TMEM123: variants seen among roughly 807,000 people sequenced by gnomAD.
The protein encoded by TMEM123 is transmembrane protein 123.
TMEM123 carries 16 observed loss-of-function variants against 19.7 expected under a neutral mutation model. The ratio of observed to expected loss-of-function variants is 0.81; its 90% CI spans 0.55 to 1.23. The LOEUF is 1.23. Ranked by LOEUF, TMEM123 falls within the 50% of genes most tolerant of loss-of-function variation. The pLI is 0.00. For missense variants in TMEM123, 313 were observed against 257.8 expected (o/e 1.21, Z -1.47); for synonymous variants, 118 against 99.4 (o/e 1.19, Z -1.12).
Position 102,398,854 on chromosome 11 carries a change from T to A in TMEM123, c.*13A>T, listed in dbSNP as rs761341128. On this transcript the variant is annotated 3_prime_UTR_variant, in exon 5 of 5. Transcript: ENST00000398136. ...GCATCAATCTGTATTCCATCCTTGG[T>A]CCATGGATTTCCTTAAATGATGGCA... 42 of 1,611,230 alleles carry A rather than the reference T, an allele frequency of 2.6e-5. No homozygotes were observed. Among genetic ancestry groups the A allele is most frequent in the Non-Finnish European group, 3.5e-5 (41 of 1,179,012 alleles).
chr11:102,402,665 C>G (rs978023054), intron 2 of TMEM123, among the ~76,000 whole-genome samples: 2 of 152,212 alleles, frequency 1.3e-5, no homozygotes, highest in African/African-American at 4.8e-5. Flanking sequence ...AAATCAGTAG[C>G]TGCATGTTTC....
At chr11:102,444,651 C>T (rs1176170097) in intron 2 of TMEM123, among the ~76,000 whole-genome samples, 2 of 151,920 alleles carry the variant, frequency 1.3e-5, no homozygotes, top group East Asian at 3.9e-4. Flanking sequence ...AACAAACCTG[C>T]ACATTGTGCA....
intron 2 of TMEM123, among the ~76,000 whole-genome samples, chr11:102,425,978 A>T (rs1482564366): frequency 6.6e-6 from 1 of 152,046 alleles, no homozygotes; most frequent in Non-Finnish European, 1.5e-5. Flanking sequence ...TACTATAGTT[A>T]TTTTTGTTCT....
chr11:102,451,501 T>G (rs1417887597), intron 1 of TMEM123, among the ~76,000 whole-genome samples: 1 of 152,228 alleles, frequency 6.6e-6, no homozygotes, highest in South Asian at 2.1e-4. Context: ...CCTTCCAGAT[T>G]TACAAACTGC....
intron 2 of TMEM123, among the ~76,000 whole-genome samples, chr11:102,411,982 T>C (rs527660175): frequency 5.2e-4 from 79 of 152,256 alleles, no homozygotes; most frequent in Admixed American, 1.7e-3. Flanking sequence ...GGAAGATCTA[T>C]CTACCACCTA....
At chr11:102,405,194 G>A (rs533387650) in intron 2 of TMEM123, among the ~76,000 whole-genome samples, 30 of 151,538 alleles carry the variant, frequency 2.0e-4, no homozygotes, top group Non-Finnish European at 2.1e-4. Context: ...GACTACAGGC[G>A]CCCACCACCA....
intron 2 of TMEM123, among the ~76,000 whole-genome samples, chr11:102,438,695 T>G (rs576984546): frequency 6.6e-6 from 1 of 152,336 alleles, no homozygotes; most frequent in Non-Finnish European, 1.5e-5. Context: ...ATAGGTGGAT[T>G]TCTGCATTTC....
At chr11:102,419,699 ATTTAT>A (rs1056564432) in intron 2 of TMEM123, among the ~76,000 whole-genome samples, 3 of 152,250 alleles carry the variant, frequency 2.0e-5, no homozygotes, top group Admixed American at 6.5e-5. Context: ...TAAGGAACAG[ATTTAT>A]TTAATCTAAA....
At chr11:102,445,172 A>C (rs1266327821) in intron 2 of TMEM123, among the ~76,000 whole-genome samples, 1 of 152,252 alleles carries the variant, frequency 6.6e-6, no homozygotes, top group Non-Finnish European at 1.5e-5. Context: ...AAGTATAAAA[A>C]AAAATTACCA....
Position 102,452,591 on chromosome 11 carries a change from C to A in TMEM123, c.33G>T (p.Ala11=). MGLGARGAWA[A]LLLGTLQVLA... ...GCACCTGCAGCGTCCCCAGGAGCAG[C>A]GCGGCCCAAGCACCTCGCGCGCCGA... The change falls in exon 1 of 5, where the codon GCG becomes GCT. Residue 11 remains alanine, a synonymous_variant. Transcript: ENST00000398136. The A allele has an allele frequency of 6.4e-7, 1 of 1,568,162 alleles. No homozygotes were observed.
intron 2 of TMEM123, among the ~76,000 whole-genome samples, chr11:102,411,321 C>T (rs953627575): frequency 6.6e-6 from 1 of 152,136 alleles, no homozygotes; most frequent in African/African-American, 2.4e-5. Flanking sequence ...GAGAGCGTAT[C>T]GAAGCTCTGC....
chr11:102,426,087 T>C (rs1952124385), intron 2 of TMEM123, among the ~76,000 whole-genome samples: 1 of 152,222 alleles, frequency 6.6e-6, no homozygotes, highest in Non-Finnish European at 1.5e-5. Context: ...ACACATAGAA[T>C]GTACAAATGA....
intron 2 of TMEM123, among the ~76,000 whole-genome samples, chr11:102,429,521 G>C (rs1394095292): frequency 1.3e-5 from 2 of 152,164 alleles, no homozygotes; most frequent in East Asian, 3.8e-4. Flanking sequence ...TTGGCACTCT[G>C]CTAACCTTTG....
intron 2 of TMEM123, among the ~76,000 whole-genome samples, chr11:102,434,118 T>A (rs541743890): frequency 6.6e-6 from 1 of 152,070 alleles, no homozygotes; most frequent in East Asian, 1.9e-4. Flanking sequence ...AGAAGTGGGA[T>A]TGCTGGATCA....
At chr11:102,437,060 A>T (rs1167295177) in intron 2 of TMEM123, among the ~76,000 whole-genome samples, 1 of 152,146 alleles carries the variant, frequency 6.6e-6, no homozygotes, top group East Asian at 1.9e-4. Flanking sequence ...TATTTTAAAA[A>T]TGCCCCCAAG....
intron 2 of TMEM123, among the ~76,000 whole-genome samples, chr11:102,436,293 G>C (rs1466915247): frequency 2.6e-5 from 4 of 151,874 alleles, no homozygotes; most frequent in Admixed American, 6.6e-5. Flanking sequence ...CTTCAGAGTA[G>C]CTGGGACTAC....
chr11:102,448,429 G>T, intron 2 of TMEM123: 1 of 350,856 alleles, frequency 2.9e-6, no homozygotes, highest in Non-Finnish European at 5.6e-6. Context: ...GGTATATTAA[G>T]GCTGCCATGG....
intron 2 of TMEM123, among the ~76,000 whole-genome samples, chr11:102,440,855 C>T (rs1205753532): frequency 6.6e-6 from 1 of 151,970 alleles, no homozygotes; most frequent in African/African-American, 2.4e-5. Context: ...GAAGATCTAC[C>T]AAGCAAATGG....
At position 102,448,288 on chromosome 11, in the gene TMEM123, C is replaced by G. The variant is rs1274910555; in HGVS notation, c.157+524G>C. On this transcript the variant is annotated intron_variant, in intron 2 of 4. Transcript: ENST00000398136. Reference sequence around the variant, plus strand: ...ACATCAGCCTGGTTCTTGCATCTTTCCATGTTAGTGAACTCAGAGGCCCAA... The same window carrying G: ...ACATCAGCCTGGTTCTTGCATCTTTGCATGTTAGTGAACTCAGAGGCCCAA... The G allele has an allele frequency of 4.4e-5, 20 of 456,056 alleles. No homozygotes were observed. The Admixed American group carries it at 4.7e-4, about 11-fold the overall frequency. 28.3% of individuals were successfully genotyped at this position (456,056 alleles called of 1,614,324 possible). A position where few individuals can be genotyped will look rare whatever the true frequency, so the allele number is the denominator to read the frequency against.
Sources: allele counts gnomAD v4.1 joint callset (sites outside exome capture counted in the v4.1 genomes callset), GRCh38; gene constraint gnomAD v4.1.1; transcripts MANE v1.5; gene names NCBI Gene and HGNC (gene_info 2026-07-23, HGNC 2026-07-21).